Variants in LYPLAL1 observed in about 807,000 individuals in gnomAD.
LYPLAL1 encodes lysophospholipase like 1, also known as lysophospholipase-like protein 1.
In LYPLAL1, 23 loss-of-function variants were observed where a neutral mutation model predicts 19.7. That is an observed-to-expected ratio of 1.17 (90% CI 0.84 to 1.65). The LOEUF (loss-of-function observed/expected upper bound fraction) is 1.65, where lower values mean the gene tolerates loss of function less well. Among genes scored for constraint, LYPLAL1 ranks in the 40% most tolerant of loss-of-function variants. The pLI, the probability that LYPLAL1 is intolerant of heterozygous loss-of-function variation, is 0.00. For missense variants in LYPLAL1, 355 were observed against 279.4 expected, an observed-to-expected ratio of 1.27 and a Z score of -1.93; for synonymous variants, 119 against 96.3, an observed-to-expected ratio of 1.24 and a Z score of -1.38.
chr1:219,417,179 A>G, the LYPLAL1 span, among the ~76,000 whole-genome samples: 1 of 152,186 alleles, frequency 6.6e-6, no homozygotes, highest in African/African-American at 2.4e-5. Context: ...CTTTGAGGGC[A>G]GTGAGTCTAC....
chr1:219,292,433 T>C, the LYPLAL1 span, among the ~76,000 whole-genome samples: 1 of 152,164 alleles, frequency 6.6e-6, no homozygotes, highest in South Asian at 2.1e-4. Context: ...CCAACTTAGT[T>C]AGGAAGATCT....
At chr1:219,186,151 C>G (rs2125045899) in intron 2 of LYPLAL1, among the ~76,000 whole-genome samples, 1 of 151,814 alleles carries the variant, frequency 6.6e-6, no homozygotes, top group East Asian at 1.9e-4. Context: ...TGGAGCTATT[C>G]TAGATATTCT....
the LYPLAL1 span, among the ~76,000 whole-genome samples, chr1:219,402,812 T>G: frequency 3.7e-3 from 557 of 152,132 alleles, 7 homozygotes; most frequent in Non-Finnish European, 2.3e-3. Flanking sequence ...ATCGTGAGAA[T>G]AAGGAAGAAG....
chr1:219,268,488 C>A, the LYPLAL1 span, among the ~76,000 whole-genome samples: 5 of 152,104 alleles, frequency 3.3e-5, no homozygotes, highest in African/African-American at 1.2e-4. Context: ...GAAGTGAAAG[C>A]TAAAGTCAGA....
the LYPLAL1 span, among the ~76,000 whole-genome samples, chr1:219,414,170 A>T: frequency 1.3e-5 from 2 of 152,164 alleles, no homozygotes; most frequent in African/African-American, 4.8e-5. Context: ...GATTTTTCCC[A>T]TTATCACTGA....
chr1:219,257,262 A>T, the LYPLAL1 span, among the ~76,000 whole-genome samples: 2 of 151,810 alleles, frequency 1.3e-5, no homozygotes, highest in Non-Finnish European at 2.9e-5. Context: ...TATTGTATAT[A>T]GTATTCCTGA....
intron 3 of LYPLAL1, among the ~76,000 whole-genome samples, chr1:219,196,049 T>C (rs2125073696): frequency 6.6e-6 from 1 of 152,342 alleles, no homozygotes; most frequent in East Asian, 1.9e-4. Context: ...ATGGTGTACA[T>C]GTACCACATT....
At chr1:219,340,867 C>T in the LYPLAL1 span, among the ~76,000 whole-genome samples, 1 of 151,980 alleles carries the variant, frequency 6.6e-6, no homozygotes, top group Admixed American at 6.6e-5. Context: ...TTTATATAAC[C>T]CAGGAACCCA....
At chr1:219,356,477 G>C in the LYPLAL1 span, among the ~76,000 whole-genome samples, 1 of 152,166 alleles carries the variant, frequency 6.6e-6, no homozygotes, top group Non-Finnish European at 1.5e-5. Context: ...TCCAGCCTGG[G>C]CAACAGAGTG....
At chr1:219,182,534 T>C (rs1410934348) in intron 2 of LYPLAL1, among the ~76,000 whole-genome samples, 2 of 152,140 alleles carry the variant, frequency 1.3e-5, no homozygotes, top group Admixed American at 6.6e-5. Flanking sequence ...AGGCATGTGA[T>C]AGATACGTGC....
At chr1:219,440,014 C>T in the LYPLAL1 span, among the ~76,000 whole-genome samples, 754 of 73,820 alleles carry the variant, frequency 0.01, 14 homozygotes, top group African/African-American at 0.043. Context: ...TATATATATA[C>T]ACACACACAC....
At chr1:219,215,516 A>G (rs1228581225), downstream of LYPLAL1, among the ~76,000 whole-genome samples, 1 of 151,824 alleles carries the variant, frequency 6.6e-6, no homozygotes, top group African/African-American at 2.4e-5. Flanking sequence ...GAGGGTGTTT[A>G]CTCACACCCA....
chr1:219,324,063 G>A, the LYPLAL1 span, among the ~76,000 whole-genome samples: 1 of 152,120 alleles, frequency 6.6e-6, no homozygotes, highest in Non-Finnish European at 1.5e-5. Flanking sequence ...GTTCCCAAAT[G>A]GTGGTTCTTT....
At chr1:219,228,741 G>A in the LYPLAL1 span, among the ~76,000 whole-genome samples, 31 of 152,000 alleles carry the variant, frequency 2.0e-4, no homozygotes, top group Middle Eastern at 3.4e-3. Context: ...GTGCAATGGC[G>A]CGATCTTGGC....
chr1:219,242,202 G>A, the LYPLAL1 span, among the ~76,000 whole-genome samples: 1 of 152,180 alleles, frequency 6.6e-6, no homozygotes, highest in African/African-American at 2.4e-5. Flanking sequence ...CAGTACTATT[G>A]ACTATTCAAC....
chr1:219,357,116 A>G, the LYPLAL1 span, among the ~76,000 whole-genome samples: 10 of 152,216 alleles, frequency 6.6e-5, no homozygotes, highest in Non-Finnish European at 7.3e-5. Context: ...AAAAAATTTC[A>G]GTTGATTTCT....
the LYPLAL1 span, among the ~76,000 whole-genome samples, chr1:219,270,306 C>T: frequency 4.2e-3 from 644 of 152,340 alleles, 7 homozygotes; most frequent in African/African-American, 0.015. Flanking sequence ...GAGAAGTGCT[C>T]TCTCTGCTGA....
At chr1:219,234,129 T>C in the LYPLAL1 span, among the ~76,000 whole-genome samples, 6 of 152,306 alleles carry the variant, frequency 3.9e-5, no homozygotes, top group East Asian at 1.2e-3. Flanking sequence ...GTGATGATGG[T>C]ATAAACCTTA....
intron 3 of LYPLAL1, among the ~76,000 whole-genome samples, chr1:219,199,569 A>C (rs1657908489): frequency 6.6e-6 from 1 of 151,554 alleles, no homozygotes; most frequent in South Asian, 2.1e-4. Context: ...CAGCCTCCCA[A>C]GTAGCTGGGA....
Sources: gnomAD v4.1 joint callset for allele counts (sites outside exome capture counted in the v4.1 genomes callset) on GRCh38, gnomAD v4.1.1 for gene constraint, MANE v1.5 for transcripts, NCBI Gene and HGNC (gene_info 2026-07-23, HGNC 2026-07-21) for gene names.